Variants in ADAMTS5 observed in about 807,000 individuals in gnomAD.
ADAMTS5 encodes the protein A disintegrin and metalloproteinase with thrombospondin motifs 5.
ADAMTS5 carries 54 observed loss-of-function variants against 81.4 expected under a neutral mutation model. The ratio of observed to expected loss-of-function variants is 0.66; its 90% CI spans 0.53 to 0.83. ADAMTS5 has a LOEUF of 0.83. ADAMTS5 is among the 40% of genes least tolerant of loss of function. ADAMTS5 has a pLI of 0.00. For synonymous variants in ADAMTS5, 532 were observed against 508.8 expected (o/e 1.05, Z -0.61); for missense variants, 1,194 against 1,229.9 (o/e 0.97, Z 0.44).
chr21:26,946,715 C>G lies in ADAMTS5; in HGVS notation c.1238-3168G>C, dbSNP rs575430997. Among the ~76,000 whole-genome samples the G allele has an allele frequency of 3.3e-5, 5 of 152,084 alleles. No individual in the cohort carries two copies. In the East Asian group the frequency reaches 9.7e-4, roughly 29 times the overall value. ...TAAAAGAGTGTGGAGAAAATGTGTA[C>G]AATGCCAAAAGTAATTTGTTGTTTA... On this transcript the variant is annotated intron_variant, in intron 2 of 7. Transcript: ENST00000284987.
chr21:26,962,204 A>G (rs1249397560), intron 1 of ADAMTS5, among the ~76,000 whole-genome samples: 1 of 114,126 alleles, frequency 8.8e-6, no homozygotes, highest in Non-Finnish European at 1.9e-5. Context: ...CTAAAGAGCA[A>G]ATGGTCTAAA....
At chr21:26,941,330 T>C (rs1268695698) in intron 3 of ADAMTS5, among the ~76,000 whole-genome samples, 1 of 152,122 alleles carries the variant, frequency 6.6e-6, no homozygotes, top group Non-Finnish European at 1.5e-5. Flanking sequence ...TCTATTTCTA[T>C]TAAAATTATG....
Position 26,965,413 on chromosome 21 carries a change from T to C in ADAMTS5, c.979A>G (p.Ser327Gly), listed in dbSNP as rs1436112686. Residue 327 changes from serine to glycine, a missense_variant, in exon 1 of 8, where the codon AGC becomes GGC. Physicochemically the swap from Ser to Gly is moderately conservative, Grantham distance 56. This residue lies in a region of ADAMTS5 where 696 missense variants were observed against 817.6 expected (regional missense o/e 0.85). Coordinates refer to ENST00000284987, the MANE Select transcript of ADAMTS5 (RefSeq NM_007038.5). ...GCAGCGTTCTTGCTCACTTCCAGGC[T>C]CTTGTCCTTGTCGCCTAGCACCACC... Reference protein sequence around the residue: ...KVVVLGDKDKSLEVSKNAATT... With the variant: ...KVVVLGDKDKGLEVSKNAATT... 6 of 1,614,248 alleles carry C rather than the reference T, an allele frequency of 3.7e-6. No homozygotes were observed. The highest frequency in any genetic ancestry group is 5.1e-6 in the Non-Finnish European group (6 of 1,180,042).
At position 26,956,320 on chromosome 21, in the gene ADAMTS5, T is replaced by A. The variant is rs547932511; in HGVS notation, c.1105-1449A>T. On this transcript the variant is annotated intron_variant, in intron 1 of 7. Coordinates refer to ENST00000284987, the MANE Select transcript of ADAMTS5 (RefSeq NM_007038.5). ...TTATGAGTTCCCAGCTGAGATAAGTTACAGTGTGGCCACCAAGTTACTGTA... is the reference window on the plus strand; with the variant it reads ...TTATGAGTTCCCAGCTGAGATAAGTAACAGTGTGGCCACCAAGTTACTGTA... Among the ~76,000 whole-genome samples the A allele has an allele frequency of 2.0e-4, 31 of 152,322 alleles. No homozygotes were observed. The South Asian group carries it at 5.4e-3, about 26-fold the overall frequency.
At position 26,924,318 on chromosome 21, in the gene ADAMTS5, A is replaced by G. The variant is rs1386184132; in HGVS notation, c.2528T>C (p.Leu843Ser). The G allele has an allele frequency of 1.9e-5, 31 of 1,614,030 alleles. No individual in the cohort carries two copies. The highest frequency in any genetic ancestry group is 2.3e-5 in the Non-Finnish European group (27 of 1,180,036). ...AACAAAAAAGCTATAACGGACATCT[A>G]ATGGTTTAGTGGGGTCTGTTGCAAG... ...QILATDPTKP[L>S]DVRYSFFVPK... is the part of the protein sequence containing the mutation. Residue 843 changes from leucine (L) to serine (S), a missense_variant, in exon 8 of 8, where the codon TTA (leucine) becomes TCA (serine). Transcript: ENST00000284987.
At chr21:26,930,449 C>T (rs1044606583) in intron 6 of ADAMTS5, among the ~76,000 whole-genome samples, 1 of 152,136 alleles carries the variant, frequency 6.6e-6, no homozygotes, top group Non-Finnish European at 1.5e-5. Context: ...TGCAAAGATC[C>T]TTCTTTGTTG....
Position 26,944,659 on chromosome 21 carries a change from A to G in ADAMTS5, c.1238-1112T>C, listed in dbSNP as rs182497298. Among the ~76,000 whole-genome samples the G allele has an allele frequency of 2.6e-5, 4 of 152,316 alleles. No individual in the cohort carries two copies. The East Asian group carries it at 7.7e-4, about 29-fold the overall frequency. The stretch of plus-strand genomic sequence containing the variant: ...CACAAACCACTAAAACAAATTTAGG[A>G]AACACTGTAGCAAACTGATGACTAC... On this transcript the variant is annotated intron_variant, in intron 2 of 7. Transcript: ENST00000284987.
chr21:26,952,843 A>G (rs898686448), intron 2 of ADAMTS5, among the ~76,000 whole-genome samples: 7 of 152,216 alleles, frequency 4.6e-5, no homozygotes, highest in African/African-American at 1.2e-4. Flanking sequence ...ATTAATTACC[A>G]GTGTACTTTA....
intron 7 of ADAMTS5, among the ~76,000 whole-genome samples, chr21:26,927,276 C>G (rs1042608560): frequency 6.6e-6 from 1 of 152,056 alleles, no homozygotes; most frequent in African/African-American, 2.4e-5. Context: ...TTAGTCCGCT[C>G]CCAGCAAACA....
At position 26,920,487 on chromosome 21, in the gene ADAMTS5, T is replaced by C. The variant is rs1413587937; in HGVS notation, c.*3566A>G. On this transcript the variant is annotated 3_prime_UTR_variant, in exon 8 of 8. Transcript: ENST00000284987. Reference sequence around the variant, plus strand: ...CTATTTGTGCTCATCTGTAGAATCCTACAGACACTAGAGACTAAATGATAT... The same window carrying C: ...CTATTTGTGCTCATCTGTAGAATCCCACAGACACTAGAGACTAAATGATAT... 1 of 152,158 alleles carries C rather than the reference T, an allele frequency of 6.6e-6. No individual in the cohort carries two copies. Among genetic ancestry groups the C allele is most frequent in the Non-Finnish European group, 1.5e-5 (1 of 68,004 alleles). The allele number at this position is 152,158 out of a possible 1,614,324, so 9.4% of individuals were successfully genotyped here.
chr21:26,965,654 G>A lies in ADAMTS5; in HGVS notation c.738C>T (p.Pro246=), dbSNP rs371149891. Reference sequence around the variant, plus strand: ...ACGTCTGCGGTCCTGAGCCCCCAGCGGGCGAGAGAGCGGACTGGTCCAAGA... The same window carrying A: ...ACGTCTGCGGTCCTGAGCCCCCAGCAGGCGAGAGAGCGGACTGGTCCAAGA... ...SQLLDQSALS[P]AGGSGPQTWW... Residue 246 remains proline, a synonymous_variant, in exon 1 of 8, where the codon CCC becomes CCT. Transcript: ENST00000284987. 9 of 1,592,930 alleles carry A rather than the reference G, an allele frequency of 5.6e-6. No individual in the cohort carries two copies. Among genetic ancestry groups the A allele is most frequent in the Non-Finnish European group, 7.7e-6 (9 of 1,172,306 alleles).
chr21:26,955,952 A>G (rs115473857), intron 1 of ADAMTS5, among the ~76,000 whole-genome samples: 2,746 of 152,340 alleles, frequency 0.018, 89 homozygotes, highest in African/African-American at 0.063. Context: ...TGTTTCTATT[A>G]TACAACAATC....
chr21:26,966,201 AG>A lies in ADAMTS5; in HGVS notation c.190del (p.Leu64TrpfsTer102). On this transcript the variant is annotated frameshift_variant, in exon 1 of 8. Transcript: ENST00000284987. LOFTEE classifies it high-confidence loss of function. ...CCCCTTGCTCCTGCGCCGCTGCGCC[AG>A]GGGGTGCGGGTGGCCGGGAGGCTCG... Reference protein sequence around the residue: ...RAEPPGHPHPLAQRRRSKGLV... With the variant: ...RAEPPGHPHPXAQRRRSKGLV... The A allele has an allele frequency of 6.3e-7, 1 of 1,597,876 alleles. No individual in the cohort carries two copies. Among genetic ancestry groups the A allele is most frequent in the South Asian group, 1.1e-5 (1 of 88,674 alleles).
At position 26,966,612 on chromosome 21, in the gene ADAMTS5, G is replaced by C. The variant is rs1987682345; in HGVS notation, c.-221C>G. ...GTTGCTTGGGAAAATGTTTGGATTCGTGCTCCAGAAAGAGGTGGGGTGGGG... is the reference window on the plus strand; with the variant it reads ...GTTGCTTGGGAAAATGTTTGGATTCCTGCTCCAGAAAGAGGTGGGGTGGGG... On this transcript the variant is annotated 5_prime_UTR_variant, in exon 1 of 8. Transcript: ENST00000284987. 1 of 115,258 alleles carries C rather than the reference G, an allele frequency of 8.7e-6. No individual in the cohort carries two copies. The highest frequency in any genetic ancestry group is 1.6e-5 in the Non-Finnish European group (1 of 63,130). The allele number at this position is 115,258 out of a possible 1,614,324, so 7.1% of individuals were successfully genotyped here.
rs748897313 is a variant in ADAMTS5, at chr21:26,934,532, A to G, written c.1623T>C (p.Pro541=). 9.9e-6 allele frequency: 16 copies of G among 1,613,998 alleles called. No homozygotes were observed. Among genetic ancestry groups the G allele is most frequent in the Non-Finnish European group, 1.4e-5 (16 of 1,180,028 alleles). The change falls in exon 4 of 8, where the codon CCT becomes CCC. Residue 541 remains proline, a synonymous_variant. Coordinates refer to ENST00000284987, the MANE Select transcript of ADAMTS5 (RefSeq NM_007038.5). ...TKKLPAVEGT[P]CGKGRICLQG... The stretch of plus-strand genomic sequence containing the variant: ...GCAGGCAGATTCTCCCCTTTCCACA[A>G]GGCGTCCCTTCCACCGCAGGCAGCT...
At chr21:26,956,874 A>G (rs985031990) in intron 1 of ADAMTS5, among the ~76,000 whole-genome samples, 17 of 152,224 alleles carry the variant, frequency 1.1e-4, no homozygotes, top group Admixed American at 1.0e-3. Context: ...ATTAGAGGCC[A>G]TCAACCCTCC....
chr21:26,926,879 C>A (rs569576558), intron 7 of ADAMTS5, among the ~76,000 whole-genome samples: 5 of 152,126 alleles, frequency 3.3e-5, no homozygotes, highest in African/African-American at 1.2e-4. Context: ...TGGGTGTTTA[C>A]CCTTGTTCCT....
chr21:26,945,251 A>G (rs2123188871), intron 2 of ADAMTS5, among the ~76,000 whole-genome samples: 1 of 152,268 alleles, frequency 6.6e-6, no homozygotes, highest in East Asian at 1.9e-4. Flanking sequence ...ACACTTCCCG[A>G]AATTTTCCAA....
At position 26,935,107 on chromosome 21, in the gene ADAMTS5, T is replaced by TTAA. The variant is rs373765004; in HGVS notation, c.1406-361_1406-359dup. ...CCTAGAGAAAATCAGATGGTGAATT[T>TTAA]TAATAATAATAATAATAATGATAAT... On this transcript the variant is annotated intron_variant, in intron 3 of 7. Coordinates refer to ENST00000284987, the MANE Select transcript of ADAMTS5 (RefSeq NM_007038.5). 6.6e-4 allele frequency among the ~76,000 whole-genome samples: 100 copies of TTAA among 152,070 alleles called. 2 individuals carry two copies. The East Asian group carries it at 0.013, about 19-fold the overall frequency.
Sources: gnomAD v4.1 joint callset for allele counts (sites outside exome capture counted in the v4.1 genomes callset) on GRCh38, gnomAD v4.1.1 for gene constraint, gnomAD v4.1.1 regional missense constraint, MANE v1.5 for transcripts, NCBI Gene and HGNC (gene_info 2026-07-23, HGNC 2026-07-21) for gene names.